NRXN3: variants seen among roughly 807,000 people sequenced by gnomAD.
NRXN3 encodes the protein neurexin 3, also known as neurexin III.
Under a neutral mutation model 137.6 loss-of-function variants are expected in NRXN3, and 32 were observed. That is an observed-to-expected ratio of 0.23 (90% CI 0.18 to 0.31). The LOEUF (loss-of-function observed/expected upper bound fraction) is 0.31, where lower values mean the gene tolerates loss of function less well. Among genes scored for constraint, NRXN3 ranks in the 10% least tolerant of loss-of-function variants. The probability of loss-of-function intolerance (pLI) is 1.00; values close to 1 mark genes in which losing one functional copy is unlikely to be tolerated. For synonymous variants in NRXN3, 798 were observed against 784.5 expected, an observed-to-expected ratio of 1.02 and a Z score of -0.29; for missense variants, 1,574 against 2,062.5, an observed-to-expected ratio of 0.76 and a Z score of 4.59.
In NRXN3 at chr14:78,340,917, C is replaced by T. The variant is rs1328879070; in HGVS notation, c.757+43057C>T. Among the ~76,000 whole-genome samples the T allele has an allele frequency of 7.9e-5, 12 of 152,052 alleles. No individual in the cohort carries two copies. In the South Asian group the frequency reaches 8.3e-4, roughly 11 times the overall value. On this transcript the variant is annotated intron_variant, in intron 4 of 20. Coordinates refer to ENST00000335750, the MANE Select transcript of NRXN3 (RefSeq NM_001330195.2). ...TTTATACCTGCTTAGCCCAAATAAA[C>T]GATAGCAAGCTTTCCCTTTGGTAGG...
At chr14:78,817,685 G>A (rs540357923) in intron 10 of NRXN3, among the ~76,000 whole-genome samples, 1 of 152,272 alleles carries the variant, frequency 6.6e-6, no homozygotes, top group Admixed American at 6.5e-5. Context: ...AAGCAAGAGA[G>A]AGAAACCAAA....
chr14:79,813,545 A>G (rs2099242297), intron 20 of NRXN3, among the ~76,000 whole-genome samples: 1 of 152,180 alleles, frequency 6.6e-6, no homozygotes, highest in Non-Finnish European at 1.5e-5. Context: ...ATATATAGAT[A>G]TACAAATCAA....
rs548839408 is a variant in NRXN3 at position 79,452,304 on chromosome 14, T to C, written c.3263-14917T>C. Among the ~76,000 whole-genome samples the C allele has an allele frequency of 3.5e-4, 54 of 152,314 alleles. 1 individual carries two copies. Among genetic ancestry groups the C allele is most frequent in the African/African-American group, 1.2e-3 (49 of 41,572 alleles). On this transcript the variant is annotated intron_variant, in intron 15 of 20. Transcript: ENST00000335750. The stretch of plus-strand genomic sequence containing the variant: ...AGAGTTAAAGACCAATTATCTTGTA[T>C]TTTTCCATAAAATTGCATTTTCTAA...
intron 4 of NRXN3, among the ~76,000 whole-genome samples, chr14:78,577,860 A>T (rs755684295): frequency 3.3e-5 from 5 of 152,174 alleles, no homozygotes; most frequent in Admixed American, 2.0e-4. Flanking sequence ...TCCTGGTTTA[A>T]TGCTCTCTTG....
At chr14:79,124,016 G>A (rs1000453641) in intron 15 of NRXN3, among the ~76,000 whole-genome samples, 7 of 152,012 alleles carry the variant, frequency 4.6e-5, no homozygotes, top group Non-Finnish European at 8.8e-5. Flanking sequence ...TCACACCACC[G>A]AATGAGCAAC....
rs574850612 is a variant in NRXN3, at chr14:78,956,381, A to G, written c.2276-861A>G. ...TTAATGCCTCTTTGTCTCTCTTGCCATCTTTTTCCCCTAAGTACAATTCCT... is the reference window on the plus strand; with the variant it reads ...TTAATGCCTCTTTGTCTCTCTTGCCGTCTTTTTCCCCTAAGTACAATTCCT... On this transcript the variant is annotated intron_variant, in intron 10 of 20. Transcript: ENST00000335750. Among the ~76,000 whole-genome samples, 21 of 152,294 alleles carry G rather than the reference A, an allele frequency of 1.4e-4. No homozygotes were observed. In the South Asian group the frequency reaches 4.4e-3, roughly 32 times the overall value.
intron 8 of NRXN3, among the ~76,000 whole-genome samples, chr14:78,778,065 G>A (rs542430883): frequency 6.6e-6 from 1 of 152,202 alleles, no homozygotes; most frequent in Admixed American, 6.5e-5. Flanking sequence ...ACCCAGCTGA[G>A]GTTGAAGGGA....
At chr14:78,815,252 A>G (rs2098928302) in intron 10 of NRXN3, among the ~76,000 whole-genome samples, 1 of 152,132 alleles carries the variant, frequency 6.6e-6, no homozygotes, top group Non-Finnish European at 1.5e-5. Flanking sequence ...TGACCTTAAG[A>G]CACTTAAGTG....
chr14:79,658,247 T>C lies in NRXN3; in HGVS notation c.3445-5531T>C, dbSNP rs540584739. On this transcript the variant is annotated intron_variant, in intron 16 of 20. Coordinates refer to ENST00000335750, the MANE Select transcript of NRXN3 (RefSeq NM_001330195.2). ...GTAATTAATTGTAAGAATTTGAATA[T>C]ACTTCTATTATAAAAATATTTACTG... 2.1e-4 allele frequency among the ~76,000 whole-genome samples: 32 copies of C among 152,338 alleles called. 1 individual carries two copies. In the South Asian group the frequency reaches 4.6e-3, roughly 22 times the overall value.
At chr14:79,296,040 G>A (rs1566707505) in intron 15 of NRXN3, among the ~76,000 whole-genome samples, 2 of 152,140 alleles carry the variant, frequency 1.3e-5, no homozygotes, top group Non-Finnish European at 2.9e-5. Flanking sequence ...TGGTGGAAGA[G>A]CTCACTCTCA....
chr14:79,116,009 G>T (rs1011699760), intron 15 of NRXN3, among the ~76,000 whole-genome samples: 1 of 152,122 alleles, frequency 6.6e-6, no homozygotes, highest in Non-Finnish European at 1.5e-5. Context: ...AGGGATACAC[G>T]CAAGGTCACC....
chr14:79,397,753 A>C (rs1391092039), intron 15 of NRXN3, among the ~76,000 whole-genome samples: 2 of 152,112 alleles, frequency 1.3e-5, no homozygotes, highest in East Asian at 1.9e-4. Context: ...ATACAAGGTA[A>C]GTTTTACAAC....
At chr14:79,300,056 G>A (rs1029281166) in intron 15 of NRXN3, among the ~76,000 whole-genome samples, 14 of 151,958 alleles carry the variant, frequency 9.2e-5, no homozygotes, top group African/African-American at 3.4e-4. Flanking sequence ...GGTGGAAAGC[G>A]ACAAGTATCA....
At chr14:79,346,326 C>T (rs1363592804) in intron 15 of NRXN3, among the ~76,000 whole-genome samples, 1 of 152,170 alleles carries the variant, frequency 6.6e-6, no homozygotes, top group Admixed American at 6.5e-5. Context: ...GAGGCTGAGG[C>T]AGGAGAATCA....
intron 4 of NRXN3, among the ~76,000 whole-genome samples, chr14:78,405,729 T>C (rs1373515869): frequency 2.0e-5 from 3 of 152,264 alleles, no homozygotes; most frequent in South Asian, 4.1e-4. Flanking sequence ...GCTCAGCTAA[T>C]ATTCCCAGAC....
chr14:79,530,175 A>G (rs1434163212), intron 16 of NRXN3, among the ~76,000 whole-genome samples: 1 of 152,112 alleles, frequency 6.6e-6, no homozygotes, highest in Admixed American at 6.5e-5. Flanking sequence ...ACTCACAGAC[A>G]TTTGCCCAGA....
intron 4 of NRXN3, among the ~76,000 whole-genome samples, chr14:78,350,166 G>A (rs1393342842): frequency 6.6e-6 from 1 of 152,084 alleles, no homozygotes; most frequent in Non-Finnish European, 1.5e-5. Context: ...GTGCGTACCT[G>A]TAATCCCAGC....
At position 79,046,981 on chromosome 14, in the gene NRXN3, T is replaced by C. The variant is rs947364210; in HGVS notation, c.3262+58840T>C. Among the ~76,000 whole-genome samples, 3 of 152,114 alleles carry C rather than the reference T, an allele frequency of 2.0e-5. No homozygotes were observed. In the East Asian group the frequency reaches 5.8e-4, roughly 29 times the overall value. ...GAACATTGATATGTTTACTTTAATC[T>C]CTCTAGGCCTTAGTTTTCTGGATTT... is the stretch of plus-strand genomic sequence containing the variant. On this transcript the variant is annotated intron_variant, in intron 15 of 20. Coordinates refer to ENST00000335750, the MANE Select transcript of NRXN3 (RefSeq NM_001330195.2).
rs118174456 is a variant in NRXN3, at chr14:79,009,793, G to C, written c.3262+21652G>C. Among the ~76,000 whole-genome samples the C allele has an allele frequency of 7.9e-4, 120 of 152,244 alleles. 2 individuals carry two copies. The East Asian group carries it at 0.011, about 14-fold the overall frequency. Reference sequence around the variant, plus strand: ...CTATGAATAATTTCTGCAGACAGGTGACCAGTTCAACCATCTCTCTCGGTT... The same window carrying C: ...CTATGAATAATTTCTGCAGACAGGTCACCAGTTCAACCATCTCTCTCGGTT... On this transcript the variant is annotated intron_variant, in intron 15 of 20. Transcript: ENST00000335750.
Sources: gnomAD v4.1 joint callset for allele counts (sites outside exome capture counted in the v4.1 genomes callset) on GRCh38, gnomAD v4.1.1 for gene constraint, MANE v1.5 for transcripts, NCBI Gene and HGNC (gene_info 2026-07-23, HGNC 2026-07-21) for gene names.